The following SOX5 variants were observed in gnomAD, a reference collection of about 807,000 sequenced individuals.
The protein encoded by SOX5 is transcription factor SOX-5.
Under a neutral mutation model 92.0 loss-of-function variants are expected in SOX5, and 9 were observed. That is an observed-to-expected ratio of 0.10 (90% CI 0.06 to 0.17). The LOEUF is 0.17. Among genes scored for constraint, SOX5 ranks in the 10% least tolerant of loss-of-function variants. The probability of loss-of-function intolerance (pLI) is 1.00; values close to 1 mark genes in which losing one functional copy is unlikely to be tolerated. For missense variants in SOX5, 642 were observed against 944.5 expected (o/e 0.68, Z 4.20); for synonymous variants, 344 against 336.3 (o/e 1.02, Z -0.25).
In SOX5 at chr12:23,640,798, G is replaced by T. The variant is rs748614367; in HGVS notation, c.1017+14C>A. 4 of 1,599,860 alleles carry T rather than the reference G, an allele frequency of 2.5e-6. No individual in the cohort carries two copies. The Admixed American group carries it at 6.7e-5, about 27-fold the overall frequency. On this transcript the variant is annotated intron_variant, in intron 8 of 14. Coordinates refer to ENST00000451604, the MANE Select transcript of SOX5 (RefSeq NM_006940.6). ...ACTTAACCTTTGTCTCCTCTGTATT[G>T]TTTCCTGACTTACCTGCAGTTGGAG...
intron 4 of SOX5, among the ~76,000 whole-genome samples, chr12:24,042,107 A>C (rs1440934447): frequency 1.3e-5 from 2 of 152,224 alleles, no homozygotes; most frequent in East Asian, 3.9e-4. Context: ...TAATCATTTG[A>C]GTATATTTCT....
At chr12:24,358,049 G>A (rs1295174721) in intron 2 of SOX5, among the ~76,000 whole-genome samples, 2 of 152,150 alleles carry the variant, frequency 1.3e-5, no homozygotes, top group Non-Finnish European at 2.9e-5. Context: ...CTGGCACAGT[G>A]TGTGGCACGT....
intron 1 of SOX5, among the ~76,000 whole-genome samples, chr12:24,368,955 G>A (rs1245590837): frequency 6.6e-6 from 1 of 152,168 alleles, no homozygotes; most frequent in East Asian, 1.9e-4. Flanking sequence ...GCCAACAGAG[G>A]TCCAAACCCT....
At chr12:24,260,370 A>C (rs140763251) in intron 3 of SOX5, among the ~76,000 whole-genome samples, 32 of 152,350 alleles carry the variant, frequency 2.1e-4, no homozygotes, top group African/African-American at 7.7e-4. Context: ...ACTTGGTAGA[A>C]TATCATAGGA....
chr12:24,401,352 AGG>A (rs67163960), intron 1 of SOX5, among the ~76,000 whole-genome samples: 32,799 of 131,462 alleles, frequency 0.25, 4,304 homozygotes, highest in South Asian at 0.31. Context: ...ACTCCATCTC[AGG>A]GGAAAAAAAA....
At chr12:24,016,581 T>C in intron 4 of SOX5, among the ~76,000 whole-genome samples, 1 of 152,042 alleles carries the variant, frequency 6.6e-6, no homozygotes. Context: ...AGGTGCCAAA[T>C]GGGCTCTAAT....
At chr12:23,762,858 A>G (rs1032554441) in intron 3 of SOX5, among the ~76,000 whole-genome samples, 1 of 152,164 alleles carries the variant, frequency 6.6e-6, no homozygotes, top group Non-Finnish European at 1.5e-5. Flanking sequence ...TACTCCTCAC[A>G]AGACATATTT....
intron 4 of SOX5, among the ~76,000 whole-genome samples, chr12:23,991,902 G>A (rs1341205515): frequency 2.6e-5 from 4 of 151,888 alleles, no homozygotes; most frequent in African/African-American, 7.2e-5. Flanking sequence ...ACTATTTTTT[G>A]ATAATTTCCA....
At chr12:23,572,056 T>A in intron 10 of SOX5, among the ~76,000 whole-genome samples, 1 of 152,224 alleles carries the variant, frequency 6.6e-6, no homozygotes, top group East Asian at 1.9e-4. Context: ...TCATACCTTT[T>A]AAGGATCTCC....
chr12:23,976,832 A>G lies in SOX5; in HGVS notation c.-1-80808T>C, dbSNP rs116110411. Among the ~76,000 whole-genome samples the G allele has an allele frequency of 9.6e-3, 1,457 of 152,138 alleles. 29 individuals are homozygous for G. The highest frequency in any genetic ancestry group is 0.033 in the African/African-American group (1,384 of 41,538). On this transcript the variant is annotated intron_variant, in intron 4 of 4. Coordinates refer to the SOX5 transcript ENST00000446891. ...TGTTGTTGTTGTTTTTTTTTTTAAAACAAAAACAAAAACAGCATATATAAA... is the reference window on the plus strand; with the variant it reads ...TGTTGTTGTTGTTTTTTTTTTTAAAGCAAAAACAAAAACAGCATATATAAA...
chr12:23,546,324 T>G lies in SOX5; in HGVS notation c.1589A>C (p.Asp530Ala). The G allele has an allele frequency of 3.2e-6, 5 of 1,556,742 alleles. No individual in the cohort carries two copies. The highest frequency in any genetic ancestry group is 4.4e-6 in the Non-Finnish European group (5 of 1,129,378). Residue 530 changes from aspartate (D) to alanine (A), a missense_variant, in exon 12 of 15, where the codon GAT (aspartate) becomes GCT (alanine). Physicochemically the swap from Asp to Ala is moderately radical, Grantham distance 126 (BLOSUM62 -2). This residue lies in a region of SOX5 where 324 missense variants were observed against 461.6 expected (regional missense o/e 0.70). Transcript: ENST00000451604. ...HAMMDFNLSG[D>A]SDGSAGVSES... ...GAACAATTTTCACAAACCATCAGAA[T>G]CTCCACTCAGATTGAAATCCATCAT...
chr12:24,154,894 A>G (rs960539842), intron 4 of SOX5, among the ~76,000 whole-genome samples: 5 of 152,240 alleles, frequency 3.3e-5, no homozygotes, highest in Admixed American at 6.5e-5. Flanking sequence ...TTGGAAAATT[A>G]AAAAATTATA....
chr12:23,954,368 T>C (rs1296649779), upstream of SOX5, among the ~76,000 whole-genome samples: 3 of 151,912 alleles, frequency 2.0e-5, no homozygotes, highest in Admixed American at 2.0e-4. Context: ...GGTGACACAA[T>C]GGGCATTAAG....
intron 1 of SOX5, among the ~76,000 whole-genome samples, chr12:23,901,246 T>C (rs552433835): frequency 6.6e-6 from 1 of 152,250 alleles, no homozygotes; most frequent in African/African-American, 2.4e-5. Context: ...CCAAGGAATG[T>C]AGGCAGCCTC....
chr12:23,799,476 C>T (rs1485101352), intron 3 of SOX5, among the ~76,000 whole-genome samples: 1 of 152,020 alleles, frequency 6.6e-6, no homozygotes, highest in Non-Finnish European at 1.5e-5. Context: ...GCACACCCTA[C>T]CCATAGTGAC....
At chr12:24,482,754 A>G (rs1267325676) in intron 1 of SOX5, among the ~76,000 whole-genome samples, 1 of 152,210 alleles carries the variant, frequency 6.6e-6, no homozygotes, top group Non-Finnish European at 1.5e-5. Context: ...AAAGGACTAC[A>G]TAGAGCAAAG....
At chr12:24,201,415 A>T (rs1261437279) in intron 4 of SOX5, among the ~76,000 whole-genome samples, 1 of 152,070 alleles carries the variant, frequency 6.6e-6, no homozygotes, top group African/African-American at 2.4e-5. Context: ...GAGTTTCCTG[A>T]TGCTAAAAGG....
intron 1 of SOX5, among the ~76,000 whole-genome samples, chr12:24,401,958 C>T (rs1596317280): frequency 6.6e-6 from 1 of 152,040 alleles, no homozygotes; most frequent in Non-Finnish European, 1.5e-5. Flanking sequence ...TAACTACTCA[C>T]ATAAAGGATT....
chr12:23,559,910 G>GTTA (rs1022666448), intron 11 of SOX5, among the ~76,000 whole-genome samples: 4 of 151,852 alleles, frequency 2.6e-5, no homozygotes, highest in East Asian at 1.9e-4. Context: ...AGTTAGGAGT[G>GTTA]TTATTATTAT....
Sources: gnomAD v4.1 joint callset for allele counts (sites outside exome capture counted in the v4.1 genomes callset) on GRCh38, gnomAD v4.1.1 for gene constraint, gnomAD v4.1.1 regional missense constraint, MANE v1.5 for transcripts, NCBI Gene and HGNC (gene_info 2026-07-23, HGNC 2026-07-21) for gene names.